Variants in INTS13 observed in about 807,000 individuals in gnomAD.
INTS13 encodes integrator complex subunit 13, also known as asunder, spermatogenesis regulator homolog (Drosphila).
INTS13 carries 35 observed loss-of-function variants against 90.2 expected under a neutral mutation model. The ratio of observed to expected loss-of-function variants is 0.39; its 90% CI spans 0.30 to 0.51. The LOEUF (loss-of-function observed/expected upper bound fraction) is 0.51, where lower values mean the gene tolerates loss of function less well. INTS13 is among the 20% of genes least tolerant of loss of function. The pLI, the probability that INTS13 is intolerant of heterozygous loss-of-function variation, is 0.80. For synonymous variants in INTS13, 309 were observed against 277.1 expected (o/e 1.11, Z -1.14); for missense variants, 601 against 851.2 (o/e 0.71, Z 3.66).
chr12:26,912,066 G>C (rs1592199743), intron 14 of INTS13, among the ~76,000 whole-genome samples: 1 of 152,220 alleles, frequency 6.6e-6, no homozygotes, highest in Admixed American at 6.5e-5. Flanking sequence ...GCCATGAATT[G>C]TTAATCATTG....
At chr12:26,930,589 T>C (rs2633427) in intron 3 of INTS13, among the ~76,000 whole-genome samples, 76,622 of 152,104 alleles carry the variant, frequency 0.5, 19,691 homozygotes, top group East Asian at 0.79. Flanking sequence ...TGCTATATAG[T>C]TGCTTTCACA....
chr12:26,923,104 G>C (rs1592217928), intron 7 of INTS13, among the ~76,000 whole-genome samples: 1 of 152,092 alleles, frequency 6.6e-6, no homozygotes, highest in African/African-American at 2.4e-5. Context: ...AATACCTACA[G>C]TGAATTACCA....
At chr12:26,937,663 G>C (rs1020338806) in intron 1 of INTS13, 133 bp downstream of exon 1, 1 of 152,244 alleles carries the variant, frequency 6.6e-6, no homozygotes, top group African/African-American at 2.4e-5. Context: ...TTCACCTCTT[G>C]CTTTCAAGAC....
chr12:26,927,407 T>C (rs1212987832), intron 5 of INTS13, among the ~76,000 whole-genome samples: 1 of 152,152 alleles, frequency 6.6e-6, no homozygotes, highest in African/African-American at 2.4e-5. Context: ...AGTTGGAGAA[T>C]TGGTGCGGAA....
intron 2 of INTS13, 32 bp downstream of exon 2, chr12:26,936,547 A>C: frequency 6.6e-7 from 1 of 1,511,768 alleles, no homozygotes; most frequent in Non-Finnish European, 9.2e-7. Flanking sequence ...TACATCCCCA[A>C]AATCATGATT....
At chr12:26,929,545 A>G (rs1938072766) in intron 3 of INTS13, among the ~76,000 whole-genome samples, 1 of 151,436 alleles carries the variant, frequency 6.6e-6, no homozygotes, top group Non-Finnish European at 1.5e-5. Context: ...ACAAAGCAAG[A>G]CACCGTTTCT....
At chr12:26,930,745 T>C (rs1403897805) in intron 3 of INTS13, among the ~76,000 whole-genome samples, 1 of 151,486 alleles carries the variant, frequency 6.6e-6, no homozygotes, top group Non-Finnish European at 1.5e-5. Flanking sequence ...ACTGCAGAGG[T>C]GCAGTCAGTA....
At chr12:26,920,756 T>G (rs1387576050) in intron 8 of INTS13, among the ~76,000 whole-genome samples, 1 of 152,188 alleles carries the variant, frequency 6.6e-6, no homozygotes, top group African/African-American at 2.4e-5. Context: ...TTCGTAGCAA[T>G]TTCCATGTAA....
upstream of INTS13, chr12:26,938,245 C>G (rs1938593938): frequency 2.6e-5 from 4 of 152,360 alleles, no homozygotes; most frequent in Admixed American, 2.6e-4. Context: ...AACCACGGCC[C>G]CCTAAGCGTA....
At chr12:26,922,476 AC>A in intron 8 of INTS13, 139 bp downstream of exon 8, 1 of 468,588 alleles carries the variant, frequency 2.1e-6, no homozygotes. Flanking sequence ...AACAGTGTAT[AC>A]AGTATAGGGT....
At chr12:26,928,101 C>A in intron 5 of INTS13, 104 bp downstream of exon 5, 1 of 760,530 alleles carries the variant, frequency 1.3e-6, no homozygotes, top group South Asian at 2.6e-5. Context: ...TTTGTTGAGT[C>A]AATAGAGAAT....
chr12:26,905,332 T>C lies in INTS13; in HGVS notation c.*165A>G, dbSNP rs919929652. 1 of 595,202 alleles carries C rather than the reference T, an allele frequency of 1.7e-6. No individual in the cohort carries two copies. Among genetic ancestry groups the C allele is most frequent in the African/African-American group, 2.0e-5 (1 of 51,196 alleles). The allele number at this position is 595,202 out of a possible 1,614,324, so 36.9% of individuals were successfully genotyped here. A position where few individuals can be genotyped will look rare whatever the true frequency, so the allele number is the denominator to read the frequency against. On this transcript the variant is annotated 3_prime_UTR_variant, in exon 17 of 17. Transcript: ENST00000261191. The stretch of plus-strand genomic sequence containing the variant: ...ATCTCAAATGTATATTTTTGAATTA[T>C]GTGCCAATTTTATAATTAGTACAAA...
At chr12:26,923,773 T>C (rs1937713671) in intron 7 of INTS13, among the ~76,000 whole-genome samples, 2 of 152,190 alleles carry the variant, frequency 1.3e-5, no homozygotes, top group African/African-American at 4.8e-5. Flanking sequence ...TTCCCCTAGT[T>C]AGACCTATTA....
At chr12:26,920,180 G>A (rs1409115370) in intron 8 of INTS13, among the ~76,000 whole-genome samples, 5 of 150,888 alleles carry the variant, frequency 3.3e-5, no homozygotes, top group Admixed American at 2.0e-4. Context: ...TAAAGTATAA[G>A]CCTACTCACC....
chr12:26,923,600 G>A (rs749230922), intron 7 of INTS13, among the ~76,000 whole-genome samples: 5 of 152,036 alleles, frequency 3.3e-5, no homozygotes, highest in East Asian at 1.9e-4. Context: ...ACTATGGGCC[G>A]GGCACTGTGC....
intron 8 of INTS13, 36 bp from the exon 9 acceptor site, chr12:26,917,769 A>ACATGTAT: frequency 6.9e-7 from 1 of 1,439,534 alleles, no homozygotes; most frequent in South Asian, 1.1e-5. Context: ...CACATTGTAT[A>ACATGTAT]CATGTATCAA....
intron 5 of INTS13, among the ~76,000 whole-genome samples, chr12:26,926,068 A>C (rs1937856119): frequency 6.6e-6 from 1 of 152,212 alleles, no homozygotes; most frequent in Non-Finnish European, 1.5e-5. Flanking sequence ...AATGCAAAAA[A>C]TAATAATTGT....
At chr12:26,924,321 T>C (rs1565829501) in intron 7 of INTS13, 34 bp downstream of exon 7, 4 of 1,606,682 alleles carry the variant, frequency 2.5e-6, no homozygotes, top group Non-Finnish European at 3.4e-6. Flanking sequence ...AGCAAAGCAG[T>C]GCTTTCAAAA....
intron 3 of INTS13, among the ~76,000 whole-genome samples, chr12:26,934,072 A>G (rs560023479): frequency 4.6e-5 from 7 of 152,322 alleles, no homozygotes; most frequent in Admixed American, 4.6e-4. Flanking sequence ...TCAGAAGTTC[A>G]AGACCAGCCT....
Sources: gnomAD v4.1 joint callset for allele counts (sites outside exome capture counted in the v4.1 genomes callset) on GRCh38, gnomAD v4.1.1 for gene constraint, MANE v1.5 for transcripts, NCBI Gene and HGNC (gene_info 2026-07-23, HGNC 2026-07-21) for gene names.